MTRF1: variants seen among roughly 807,000 people sequenced by gnomAD.
MTRF1 encodes the protein mitochondrial translation release factor 1, also known as peptide chain release factor 1, mitochondrial.
MTRF1 carries 51 observed loss-of-function variants against 62.9 expected under a neutral mutation model. The ratio of observed to expected loss-of-function variants is 0.81; its 90% CI spans 0.65 to 1.02. The LOEUF (loss-of-function observed/expected upper bound fraction) is 1.02. MTRF1 is among the 50% of genes least tolerant of loss of function. The pLI is 0.00. For missense variants in MTRF1, 446 were observed against 530.0 expected (o/e 0.84, Z 1.56); for synonymous variants, 158 against 181.9 (o/e 0.87, Z 1.06).
chr13:41,302,088 A>G, the MTRF1 span, among the ~76,000 whole-genome samples: 4 of 152,144 alleles, frequency 2.6e-5, no homozygotes, highest in Admixed American at 2.0e-4. Flanking sequence ...GTGCAGTGGC[A>G]CGATCTTGGC....
At chr13:41,263,308 C>T (rs2040682520) in intron 1 of MTRF1, 177 bp downstream of exon 1, 5 of 1,288,984 alleles carry the variant, frequency 3.9e-6, no homozygotes, top group African/African-American at 1.5e-5. Flanking sequence ...TTACCCATCA[C>T]AGTAACAGTA....
chr13:41,267,271 T>C (rs2040851870), upstream of MTRF1, among the ~76,000 whole-genome samples: 2 of 152,216 alleles, frequency 1.3e-5, no homozygotes, highest in African/African-American at 2.4e-5. Flanking sequence ...TTGTTCCCTG[T>C]ATCTCCTGTA....
the MTRF1 span, among the ~76,000 whole-genome samples, chr13:41,305,342 G>T: frequency 6.6e-6 from 1 of 152,190 alleles, no homozygotes. Context: ...ATGGGTGTTA[G>T]CCATTGTGCC....
the MTRF1 span, among the ~76,000 whole-genome samples, chr13:41,298,542 A>G: frequency 6.6e-6 from 1 of 152,382 alleles, no homozygotes; most frequent in Middle Eastern, 3.4e-3. Context: ...GATCTGCTTC[A>G]GAATTGGAAG....
chr13:41,307,946 A>G, the MTRF1 span, among the ~76,000 whole-genome samples: 1 of 152,192 alleles, frequency 6.6e-6, no homozygotes, highest in Admixed American at 6.5e-5. Flanking sequence ...CTAGTAGCAA[A>G]CTAGTGCTGC....
the MTRF1 span, among the ~76,000 whole-genome samples, chr13:41,268,813 T>C: frequency 5.3e-5 from 8 of 152,164 alleles, no homozygotes; most frequent in Non-Finnish European, 1.0e-4. Context: ...AAAATTAATA[T>C]TATTGTTCTA....
intron 9 of MTRF1, chr13:41,220,752 C>T: frequency 2.2e-6 from 1 of 460,472 alleles, no homozygotes; most frequent in Non-Finnish European, 4.0e-6. Context: ...ACTGAAGATG[C>T]TTTCTCTTGG....
At chr13:41,306,105 G>A in the MTRF1 span, among the ~76,000 whole-genome samples, 1 of 152,174 alleles carries the variant, frequency 6.6e-6, no homozygotes, top group Non-Finnish European at 1.5e-5. Flanking sequence ...AGAGCCGGCT[G>A]GGCGCGGTGG....
At chr13:41,292,262 G>A in the MTRF1 span, among the ~76,000 whole-genome samples, 2 of 152,046 alleles carry the variant, frequency 1.3e-5, no homozygotes, top group Non-Finnish European at 2.9e-5. Context: ...ATTCAATTCA[G>A]CCAGTCCTAG....
At chr13:41,232,808 AGAT>A (rs938629580) in intron 7 of MTRF1, among the ~76,000 whole-genome samples, 1 of 152,192 alleles carries the variant, frequency 6.6e-6, no homozygotes, top group African/African-American at 2.4e-5. Context: ...CACTGAAGCA[AGAT>A]GATGGAGTGC....
At chr13:41,293,033 C>G in the MTRF1 span, among the ~76,000 whole-genome samples, 1 of 152,178 alleles carries the variant, frequency 6.6e-6, no homozygotes, top group African/African-American at 2.4e-5. Flanking sequence ...AAATTTTAGC[C>G]ATGTGAACAC....
At chr13:41,288,978 T>C in the MTRF1 span, among the ~76,000 whole-genome samples, 12 of 152,062 alleles carry the variant, frequency 7.9e-5, no homozygotes, top group African/African-American at 2.2e-4. Context: ...CAATGACCAA[T>C]TGATAGCAAT....
At chr13:41,241,294 T>C (rs898959563) in intron 5 of MTRF1, among the ~76,000 whole-genome samples, 4 of 152,154 alleles carry the variant, frequency 2.6e-5, no homozygotes, top group East Asian at 1.9e-4. Flanking sequence ...TCTGCCTGCG[T>C]TGGGGTCCCA....
At chr13:41,227,100 A>T (rs1292538889) in intron 7 of MTRF1, among the ~76,000 whole-genome samples, 2 of 152,084 alleles carry the variant, frequency 1.3e-5, no homozygotes, top group African/African-American at 4.8e-5. Flanking sequence ...ACCATACTGG[A>T]TAACACAGTG....
the MTRF1 span, among the ~76,000 whole-genome samples, chr13:41,269,199 G>GTTTT: frequency 1.2e-4 from 8 of 68,688 alleles, no homozygotes; most frequent in South Asian, 5.1e-4. Context: ...TTTTTTTTTG[G>GTTTT]TTTTTTTTTT....
chr13:41,241,125 A>G (rs1593836316), intron 5 of MTRF1, among the ~76,000 whole-genome samples: 1 of 150,872 alleles, frequency 6.6e-6, no homozygotes. Context: ...GCTCGCTACA[A>G]CCTCTGCCTC....
chr13:41,251,043 A>G (rs1015080143), intron 5 of MTRF1, among the ~76,000 whole-genome samples: 2 of 152,168 alleles, frequency 1.3e-5, no homozygotes, highest in African/African-American at 4.8e-5. Context: ...GTGGTCTTGG[A>G]TTAGTTACTT....
At chr13:41,293,326 G>A in the MTRF1 span, among the ~76,000 whole-genome samples, 1 of 152,110 alleles carries the variant, frequency 6.6e-6, no homozygotes, top group African/African-American at 2.4e-5. Flanking sequence ...TGTTAAATGA[G>A]TAAAGCATTA....
At position 41,260,900 on chromosome 13, in the gene MTRF1, C is replaced by T. The variant is rs750182935; in HGVS notation, c.8G>A (p.Arg3His). Residue 3 changes from arginine to histidine, a missense_variant, in exon 2 of 10, where the codon CGT (arginine) becomes CAT (histidine). Coordinates refer to ENST00000379480, the MANE Select transcript of MTRF1 (RefSeq NM_004294.4). MN[R>H]HLCVWLFRHP... The stretch of plus-strand genomic sequence containing the variant: ...TCTAAAAAGCCAAACACACAGGTGA[C>T]GATTCATCTCAGCATCTGAAATACA... 2.9e-5 allele frequency: 46 copies of T among 1,596,324 alleles called. No homozygotes were observed. Among genetic ancestry groups the T allele is most frequent in the South Asian group, 2.1e-4 (19 of 89,886 alleles).
Sources: gnomAD v4.1 joint callset for allele counts (sites outside exome capture counted in the v4.1 genomes callset) on GRCh38, gnomAD v4.1.1 for gene constraint, MANE v1.5 for transcripts, NCBI Gene and HGNC (gene_info 2026-07-23, HGNC 2026-07-21) for gene names.